Variants in MEGF9 observed in about 807,000 individuals in gnomAD.
MEGF9 encodes multiple EGF like domains 9.
MEGF9 carries 6 observed loss-of-function variants against 46.8 expected under a neutral mutation model. The observed-to-expected ratio is 0.13, with a 90% CI of 0.07 to 0.25. MEGF9 has a LOEUF of 0.25. Ranked by LOEUF, MEGF9 falls within the 10% of genes least tolerant of loss-of-function variation. The pLI is 1.00. For missense variants in MEGF9, 683 were observed against 792.4 expected (o/e 0.86, Z 1.66); for synonymous variants, 302 against 330.7 (o/e 0.91, Z 0.94).
chr9:120,635,184 T>C (rs1171856409), intron 2 of MEGF9, among the ~76,000 whole-genome samples: 2 of 152,200 alleles, frequency 1.3e-5, no homozygotes, highest in Non-Finnish European at 2.9e-5. Flanking sequence ...AATCTGCTGT[T>C]AGGTTAATGA....
Position 120,714,090 on chromosome 9 carries a change from G to C in MEGF9, c.269C>G (p.Pro90Arg). The part of the protein sequence containing the change: ...TGPPRATVHR[P>R]LAATSPAQSP... Reference sequence around the variant, plus strand: ...CTGGGCTGGAGAAGTCGCAGCCAGGGGTCGGTGGACGGTGGCGCGCGGGGG... The same window carrying C: ...CTGGGCTGGAGAAGTCGCAGCCAGGCGTCGGTGGACGGTGGCGCGCGGGGG... The change falls in exon 1 of 6, where the codon CCC becomes CGC. Residue 90 changes from proline to arginine, a missense_variant. Coordinates refer to ENST00000373930, the MANE Select transcript of MEGF9 (RefSeq NM_001080497.3). 1.6e-6 allele frequency: 2 copies of C among 1,257,690 alleles called. No individual in the cohort carries two copies. The highest frequency in any genetic ancestry group is 1.0e-6 in the Non-Finnish European group (1 of 1,000,914). The allele number at this position is 1,257,690 out of a possible 1,614,324, so 77.9% of individuals were successfully genotyped here. A position where few individuals can be genotyped will look rare whatever the true frequency, so the allele number is the denominator to read the frequency against.
chr9:120,605,102 C>G lies in MEGF9; in HGVS notation c.*88G>C. 7.3e-7 allele frequency: 1 copy of G among 1,376,620 alleles called. No individual in the cohort carries two copies. The highest frequency in any genetic ancestry group is 9.9e-7 in the Non-Finnish European group (1 of 1,014,214). The allele number at this position is 1,376,620 out of a possible 1,614,324, so 85.3% of individuals were successfully genotyped here. On this transcript the variant is annotated 3_prime_UTR_variant, in exon 6 of 6. Coordinates refer to ENST00000373930, the MANE Select transcript of MEGF9 (RefSeq NM_001080497.3). The surrounding 1 kb of genome is among the most constrained non-coding windows in gnomAD (Gnocchi z 4.0). ...GCACTATTTGCCTTTGCTTTCTCAG[C>G]AAACTCTAGCCAGGCTTTGTCTGGC...
At chr9:120,606,204 A>C (rs1288572751) in intron 5 of MEGF9, among the ~76,000 whole-genome samples, 1 of 151,938 alleles carries the variant, frequency 6.6e-6, no homozygotes, top group Non-Finnish European at 1.5e-5. Context: ...TTGGGAAAAT[A>C]CCAGTGTTGG....
chr9:120,612,623 G>T, intron 3 of MEGF9, 84 bp from the exon 4 acceptor site: 1 of 1,276,322 alleles, frequency 7.8e-7, no homozygotes, highest in Middle Eastern at 2.0e-4. Context: ...GCAACAAAAA[G>T]ATCATAAGAA....
At chr9:120,683,038 T>C (rs888983067) in intron 1 of MEGF9, among the ~76,000 whole-genome samples, 3 of 152,090 alleles carry the variant, frequency 2.0e-5, no homozygotes, top group Non-Finnish European at 4.4e-5. Flanking sequence ...CAAAGACTAA[T>C]AGGGAGGAAT....
chr9:120,699,685 T>G (rs1173596433), intron 1 of MEGF9, among the ~76,000 whole-genome samples: 1 of 142,984 alleles, frequency 7.0e-6, no homozygotes, highest in Non-Finnish European at 1.5e-5. Context: ...ATCACACTAC[T>G]GCACTCTAAC....
At chr9:120,649,552 G>C (rs141688666) in intron 2 of MEGF9, among the ~76,000 whole-genome samples, 166 of 152,260 alleles carry the variant, frequency 1.1e-3, no homozygotes, top group Middle Eastern at 6.8e-3. Context: ...CTTGCACCTT[G>C]AGCTGCTGGG....
chr9:120,694,974 A>T (rs1464479443), intron 1 of MEGF9, among the ~76,000 whole-genome samples: 4 of 152,002 alleles, frequency 2.6e-5, no homozygotes. Context: ...TTATTTAACA[A>T]ATATTTACCA....
At chr9:120,622,516 C>T (rs2043504676) in intron 3 of MEGF9, 100 bp downstream of exon 3, 2 of 1,268,886 alleles carry the variant, frequency 1.6e-6, no homozygotes, top group Non-Finnish European at 1.1e-6. Flanking sequence ...AGATAAAGGC[C>T]CTTCCAAACT....
At chr9:120,629,450 G>A (rs2043541112) in intron 2 of MEGF9, among the ~76,000 whole-genome samples, 1 of 152,148 alleles carries the variant, frequency 6.6e-6, no homozygotes. Flanking sequence ...GACCAGCCTG[G>A]CTAACATGGC....
At chr9:120,675,655 G>A (rs950055315) in intron 1 of MEGF9, among the ~76,000 whole-genome samples, 4 of 150,578 alleles carry the variant, frequency 2.7e-5, no homozygotes, top group East Asian at 2.0e-4. Context: ...TTGGGAGGCC[G>A]AGGGGGGTGG....
intron 2 of MEGF9, among the ~76,000 whole-genome samples, chr9:120,645,240 C>T (rs79486947): frequency 0.024 from 3,629 of 152,150 alleles, 153 homozygotes; most frequent in African/African-American, 0.084. Flanking sequence ...CTCTTGGGAC[C>T]GGCTTACACA....
chr9:120,664,644 T>G (rs1472775797), intron 1 of MEGF9, among the ~76,000 whole-genome samples: 1 of 152,160 alleles, frequency 6.6e-6, no homozygotes, highest in East Asian at 1.9e-4. Flanking sequence ...TACAGAGCAC[T>G]CACAGGAATC....
intron 2 of MEGF9, among the ~76,000 whole-genome samples, chr9:120,647,476 T>C (rs886215691): frequency 6.6e-6 from 1 of 152,132 alleles, no homozygotes; most frequent in African/African-American, 2.4e-5. Flanking sequence ...CACAATAAGA[T>C]AAAGGCTAAA....
chr9:120,676,332 A>G (rs1389318926), intron 1 of MEGF9, among the ~76,000 whole-genome samples: 2 of 152,188 alleles, frequency 1.3e-5, no homozygotes, highest in African/African-American at 2.4e-5. Context: ...GTCTTCTTTT[A>G]TATCAGTGAA....
intron 1 of MEGF9, among the ~76,000 whole-genome samples, chr9:120,690,171 T>G (rs1361783371): frequency 6.6e-6 from 1 of 152,190 alleles, no homozygotes; most frequent in Non-Finnish European, 1.5e-5. Context: ...GCACTATTAC[T>G]TCTGCTGCTG....
At chr9:120,667,529 C>G (rs1185081734) in intron 1 of MEGF9, among the ~76,000 whole-genome samples, 7 of 152,038 alleles carry the variant, frequency 4.6e-5, no homozygotes, top group Non-Finnish European at 8.8e-5. Flanking sequence ...AAACAAAGAC[C>G]AGGAAAATGC....
intron 1 of MEGF9, among the ~76,000 whole-genome samples, chr9:120,666,768 T>C (rs1012550083): frequency 1.3e-5 from 2 of 152,198 alleles, no homozygotes; most frequent in African/African-American, 4.8e-5. Context: ...AACTAGTGAA[T>C]GGATACACTA....
chr9:120,688,005 T>C (rs1366846998), intron 1 of MEGF9, among the ~76,000 whole-genome samples: 3 of 152,152 alleles, frequency 2.0e-5, no homozygotes, highest in Admixed American at 6.5e-5. Flanking sequence ...TTAGCATTTC[T>C]CATAAACAAA....
Sources: allele counts gnomAD v4.1 joint callset (sites outside exome capture counted in the v4.1 genomes callset), GRCh38; gene constraint gnomAD v4.1.1; non-coding constraint Gnocchi (gnomAD v3.1); transcripts MANE v1.5; gene names NCBI Gene and HGNC (gene_info 2026-07-23, HGNC 2026-07-21).